Variants in HSPA4L observed in about 807,000 individuals in gnomAD.
HSPA4L encodes the protein heat shock 70 kDa protein 4L.
In HSPA4L, 48 loss-of-function variants were observed where a neutral mutation model predicts 100.3. The observed-to-expected ratio is 0.48, with a 90% confidence interval of 0.38 to 0.61. The LOEUF (loss-of-function observed/expected upper bound fraction) is 0.61. Ranked by LOEUF, HSPA4L falls within the 20% of genes least tolerant of loss-of-function variation. The pLI, the probability that HSPA4L is intolerant of heterozygous loss-of-function variation, is 0.00. For missense variants in HSPA4L, 886 were observed against 988.6 expected (o/e 0.90, Z 1.39); for synonymous variants, 319 against 328.2 (o/e 0.97, Z 0.30).
intron 13 of HSPA4L, among the ~76,000 whole-genome samples, chr4:127,820,048 T>C (rs1733767684): frequency 6.6e-6 from 1 of 152,164 alleles, no homozygotes; most frequent in Admixed American, 6.5e-5. Context: ...AAGATTGTCA[T>C]CTTGAACATT....
intron 12 of HSPA4L, chr4:127,812,619 A>G: frequency 3.1e-6 from 2 of 648,080 alleles, no homozygotes; most frequent in Non-Finnish European, 5.4e-6. Context: ...TCTAATTACA[A>G]TTGGAAGTCT....
intron 14 of HSPA4L, among the ~76,000 whole-genome samples, chr4:127,822,463 G>A (rs115701103): frequency 0.014 from 2,156 of 152,208 alleles, 54 homozygotes; most frequent in African/African-American, 0.05. Context: ...TAATGCTGCA[G>A]TGAACACTGA....
chr4:127,823,175 A>G (rs544096707), intron 15 of HSPA4L, among the ~76,000 whole-genome samples: 5 of 152,028 alleles, frequency 3.3e-5, no homozygotes, highest in Non-Finnish European at 5.9e-5. Flanking sequence ...TTGAGACAGC[A>G]TCTAGCTCTG....
rs763855793 is a variant in HSPA4L, at chr4:127,830,720, G to A, written c.2249G>A (p.Ser750Asn). Reference protein sequence around the residue: ...CISDAMSWLNSKMNAQNKLSL... With the variant: ...CISDAMSWLNNKMNAQNKLSL... ...AGTGATGCCATGAGTTGGCTGAATA[G>A]TAAGATGAATGCACAGAACAAACTA... Residue 750 changes from serine to asparagine, a missense_variant, in exon 18 of 19, where the codon AGT (serine) becomes AAT (asparagine). Ser to Asn is a conservative substitution (Grantham distance 46, BLOSUM62 1). Coordinates refer to ENST00000296464, the MANE Select transcript of HSPA4L (RefSeq NM_014278.4). 7.4e-6 allele frequency: 12 copies of A among 1,611,214 alleles called. No individual in the cohort carries two copies. Among genetic ancestry groups the A allele is most frequent in the Admixed American group, 6.7e-5 (4 of 59,746 alleles).
intron 12 of HSPA4L, among the ~76,000 whole-genome samples, chr4:127,812,363 C>G (rs62335573): frequency 6.7e-6 from 1 of 149,312 alleles, no homozygotes; most frequent in Non-Finnish European, 1.5e-5. Context: ...GAGCCGAGAT[C>G]GCACCACTGC....
At chr4:127,796,483 T>C (rs1331860755) in intron 3 of HSPA4L, among the ~76,000 whole-genome samples, 1 of 152,114 alleles carries the variant, frequency 6.6e-6, no homozygotes, top group Non-Finnish European at 1.5e-5. Context: ...CTCAAGGGAA[T>C]TGAAACATAC....
At chr4:127,796,631 T>A (rs1007424093) in intron 3 of HSPA4L, among the ~76,000 whole-genome samples, 2 of 152,188 alleles carry the variant, frequency 1.3e-5, no homozygotes, top group African/African-American at 4.8e-5. Flanking sequence ...GAATATTATT[T>A]GCCCATAAAA....
At chr4:127,816,242 C>T (rs894019653) in intron 12 of HSPA4L, among the ~76,000 whole-genome samples, 2 of 152,100 alleles carry the variant, frequency 1.3e-5, no homozygotes, top group Admixed American at 6.5e-5. Flanking sequence ...AGTTTAAAAT[C>T]TATCAGTGAA....
intron 1 of HSPA4L, among the ~76,000 whole-genome samples, chr4:127,793,748 T>C (rs1732939868): frequency 6.6e-6 from 1 of 152,212 alleles, no homozygotes; most frequent in Admixed American, 6.5e-5. Flanking sequence ...CCTTTTTAAC[T>C]GTTTACCTTC....
chr4:127,790,664 C>A (rs796177460), intron 1 of HSPA4L, among the ~76,000 whole-genome samples: 37 of 152,282 alleles, frequency 2.4e-4, no homozygotes, highest in Admixed American at 1.0e-3. Flanking sequence ...AATGTGTTCA[C>A]AATAGAGTTT....
At chr4:127,813,114 C>T (rs201697235) in intron 12 of HSPA4L, 44,224 of 1,314,430 alleles carry the variant, frequency 0.034, 3,492 homozygotes, top group East Asian at 0.28. Context: ...TTCGCATATA[C>T]GTGGCCAAAG....
In HSPA4L at chr4:127,837,034, G is replaced by C. The variant is rs1365024795; in HGVS notation, c.*4160G>C. ...AGGCTCACTGCAGCCTCCACCACCT[G>C]AGTTCAAGCGATTTTTCTGCCTCAA... On this transcript the variant is annotated 3_prime_UTR_variant, in exon 19 of 19. Transcript: ENST00000296464. The C allele has an allele frequency of 6.6e-6, 1 of 152,066 alleles. No homozygotes were observed. The highest frequency in any genetic ancestry group is 1.5e-5 in the Non-Finnish European group (1 of 68,046). 9.4% of individuals were successfully genotyped at this position (152,066 alleles called of 1,614,324 possible).
rs2148803227 is a variant in HSPA4L, at chr4:127,833,815, A to C, written c.*941A>C. 1.3e-5 allele frequency: 2 copies of C among 152,286 alleles called. 1 individual carries two copies. Among genetic ancestry groups the C allele is most frequent in the African/African-American group, 4.8e-5 (2 of 41,564 alleles). 9.4% of individuals were successfully genotyped at this position (152,286 alleles called of 1,614,324 possible). A position where few individuals can be genotyped will look rare whatever the true frequency, so the allele number is the denominator to read the frequency against. ...ATTGCATTATATACATTTATCATTG[A>C]TTTACCTAATGTTACCTTGTAGATT... On this transcript the variant is annotated 3_prime_UTR_variant, in exon 19 of 19. Coordinates refer to ENST00000296464, the MANE Select transcript of HSPA4L (RefSeq NM_014278.4).
chr4:127,802,376 T>A (rs1480317940), intron 6 of HSPA4L, among the ~76,000 whole-genome samples: 1 of 152,216 alleles, frequency 6.6e-6, no homozygotes, highest in Non-Finnish European at 1.5e-5. Flanking sequence ...CATTTTTACA[T>A]TGATTCTTTT....
Position 127,800,941 on chromosome 4 carries a change from A to G in HSPA4L, c.430-197A>G, listed in dbSNP as rs77134031. ...CTGCCATATTACCTTACTTTAAATT[A>G]GTATTCATACTTTAGGTCAGATTTT... On this transcript the variant is annotated intron_variant, in intron 4 of 18. Transcript: ENST00000296464. 1.2e-3 allele frequency among the ~76,000 whole-genome samples: 183 copies of G among 152,314 alleles called. 1 individual carries two copies. Among genetic ancestry groups the G allele is most frequent in the African/African-American group, 4.4e-3 (182 of 41,580 alleles).
chr4:127,794,155 T>G, intron 2 of HSPA4L, 21 bp downstream of exon 2: 8 of 1,596,334 alleles, frequency 5.0e-6, no homozygotes, highest in Non-Finnish European at 6.9e-6. Flanking sequence ...AATGTGGATG[T>G]TTTGACTTAC....
At chr4:127,801,287 T>G in intron 5 of HSPA4L, 50 bp downstream of exon 5, 1 of 1,287,538 alleles carries the variant, frequency 7.8e-7, no homozygotes. Flanking sequence ...ACTGTTCTAG[T>G]TTTTTTCTAA....
chr4:127,818,286 G>A (rs1380511783), intron 12 of HSPA4L, 39 bp from the exon 13 acceptor site: 1 of 1,371,670 alleles, frequency 7.3e-7, no homozygotes, highest in Admixed American at 1.9e-5. Flanking sequence ...ACAAAAAAAA[G>A]ACACTGCGTA....
chr4:127,805,264 C>G, intron 9 of HSPA4L, 40 bp downstream of exon 9: 1 of 1,511,442 alleles, frequency 6.6e-7, no homozygotes, highest in Non-Finnish European at 9.0e-7. Flanking sequence ...TGTATTTTGC[C>G]AGAAATGAGT....
Sources: gnomAD v4.1 joint callset for allele counts (sites outside exome capture counted in the v4.1 genomes callset) on GRCh38, gnomAD v4.1.1 for gene constraint, MANE v1.5 for transcripts, NCBI Gene and HGNC (gene_info 2026-07-23, HGNC 2026-07-21) for gene names.